Variants in DLGAP2 observed in about 807,000 individuals in gnomAD.
DLGAP2 encodes the protein DLG associated protein 2.
In DLGAP2, 26 loss-of-function variants were observed where a neutral mutation model predicts 100.3. The ratio of observed to expected loss-of-function variants is 0.26; its 90% CI spans 0.19 to 0.36. DLGAP2 has a LOEUF of 0.36. Ranked by LOEUF, DLGAP2 falls within the 10% of genes least tolerant of loss-of-function variation. The pLI, the probability that DLGAP2 is intolerant of heterozygous loss-of-function variation, is 1.00. For synonymous variants in DLGAP2, 886 were observed against 630.1 expected, an observed-to-expected ratio of 1.41 and a Z score of -6.08; for missense variants, 1,858 against 1,453.2, an observed-to-expected ratio of 1.28 and a Z score of -4.53.
At chr8:842,287 G>C (rs1186455013) in intron 1 of DLGAP2, among the ~76,000 whole-genome samples, 2 of 152,194 alleles carry the variant, frequency 1.3e-5, no homozygotes, top group Admixed American at 6.5e-5. Flanking sequence ...GTTGCTGTCA[G>C]TTTTTCTGTG....
At chr8:1,159,438 C>T (rs1017593738) in intron 2 of DLGAP2, among the ~76,000 whole-genome samples, 2 of 152,170 alleles carry the variant, frequency 1.3e-5, no homozygotes, top group African/African-American at 4.8e-5. Context: ...TGAGATGTAT[C>T]GTATGTCGAC....
chr8:1,360,332 C>T (rs1237536941), intron 3 of DLGAP2, among the ~76,000 whole-genome samples: 1 of 151,554 alleles, frequency 6.6e-6, no homozygotes, highest in Non-Finnish European at 1.5e-5. Flanking sequence ...TTCTCCAGGA[C>T]GGTGCTTTCA....
In DLGAP2 at chr8:1,705,079, G is replaced by A. The variant is rs1799669785; in HGVS notation, c.*3673G>A. 2 of 152,272 alleles carry A rather than the reference G, an allele frequency of 1.3e-5. No homozygotes were observed. The highest frequency in any genetic ancestry group is 2.4e-5 in the African/African-American group (1 of 41,468). The allele number at this position is 152,272 out of a possible 1,614,324, so 9.4% of individuals were successfully genotyped here. A position where few individuals can be genotyped will look rare whatever the true frequency, so the allele number is the denominator to read the frequency against. ...CCCGAGTCCAGGATGGAATTTCACAGGAAAGTGAAGGGATACTGCAGGCCT... is the reference window on the plus strand; with the variant it reads ...CCCGAGTCCAGGATGGAATTTCACAAGAAAGTGAAGGGATACTGCAGGCCT... On this transcript the variant is annotated 3_prime_UTR_variant, in exon 15 of 15. Transcript: ENST00000637795.
At chr8:1,408,775 T>C (rs975457862) in intron 3 of DLGAP2, among the ~76,000 whole-genome samples, 2 of 152,098 alleles carry the variant, frequency 1.3e-5, no homozygotes, top group Non-Finnish European at 2.9e-5. Flanking sequence ...GTGGCAGCTC[T>C]ACCACCAAGA....
chr8:1,168,579 G>C lies in DLGAP2; in HGVS notation c.74-90272G>C, dbSNP rs1376729510. On this transcript the variant is annotated intron_variant, in intron 2 of 14. Coordinates refer to ENST00000637795, the MANE Select transcript of DLGAP2 (RefSeq NM_001346810.2). ...CTTTTTAATGATCGCCATTCTAACA[G>C]GTGTGAGATGATATCTCATTGTGGT... 3.4e-5 allele frequency among the ~76,000 whole-genome samples: 5 copies of C among 148,938 alleles called. No individual in the cohort carries two copies. In the Admixed American group the frequency reaches 3.4e-4, roughly 10 times the overall value.
chr8:1,249,995 C>T (rs1177417529), intron 2 of DLGAP2, among the ~76,000 whole-genome samples: 1 of 152,178 alleles, frequency 6.6e-6, no homozygotes, highest in African/African-American at 2.4e-5. Flanking sequence ...ATTGTTCTGC[C>T]TCAGCCTCCC....
intron 1 of DLGAP2, among the ~76,000 whole-genome samples, chr8:814,159 A>T (rs1478933771): frequency 1.3e-5 from 2 of 152,222 alleles, no homozygotes; most frequent in Admixed American, 1.3e-4. Flanking sequence ...ATCACAATTT[A>T]GTTTATTTTC....
intron 2 of DLGAP2, among the ~76,000 whole-genome samples, chr8:1,071,810 T>C (rs993094966): frequency 4.4e-4 from 67 of 152,334 alleles, no homozygotes; most frequent in African/African-American, 1.5e-3. Flanking sequence ...AAAAGAAATA[T>C]ACTTAATCAC....
intron 2 of DLGAP2, among the ~76,000 whole-genome samples, chr8:1,129,586 A>T (rs1796243283): frequency 6.6e-6 from 1 of 152,092 alleles, no homozygotes; most frequent in Admixed American, 6.6e-5. Flanking sequence ...TGCTCCCACG[A>T]GCCTTGCGGG....
chr8:1,322,171 G>A (rs1800916454), intron 3 of DLGAP2, among the ~76,000 whole-genome samples: 1 of 152,054 alleles, frequency 6.6e-6, no homozygotes, highest in African/African-American at 2.4e-5. Flanking sequence ...TTCAACATAG[G>A]TGAATTCTTT....
intron 2 of DLGAP2, among the ~76,000 whole-genome samples, chr8:1,012,536 C>G (rs1436559986): frequency 1.4e-5 from 2 of 142,556 alleles, no homozygotes; most frequent in African/African-American, 2.6e-5. Context: ...GACCAGCCCC[C>G]CCACTTCAGC....
chr8:1,242,907 G>A (rs960636565), intron 2 of DLGAP2, among the ~76,000 whole-genome samples: 4 of 142,060 alleles, frequency 2.8e-5, no homozygotes, highest in Non-Finnish European at 6.1e-5. Flanking sequence ...TGGATTGACG[G>A]ATGGATGGAC....
intron 3 of DLGAP2, among the ~76,000 whole-genome samples, chr8:1,283,970 T>C (rs1040671391): frequency 6.6e-5 from 10 of 152,226 alleles, no homozygotes; most frequent in African/African-American, 2.4e-4. Context: ...AAAGTGATTG[T>C]CATTCACGAC....
At chr8:1,258,605 A>AT (rs111517773) in intron 2 of DLGAP2, among the ~76,000 whole-genome samples, 4,173 of 151,940 alleles carry the variant, frequency 0.027, 146 homozygotes, top group African/African-American at 0.085. Context: ...ATTAAAAAAA[A>AT]TTTTTTTTAA....
rs79646253 is a variant in DLGAP2 at position 1,022,111 on chromosome 8, A to G, written c.73+114145A>G. Among the ~76,000 whole-genome samples the G allele has an allele frequency of 1.6e-4, 24 of 152,216 alleles. No individual in the cohort carries two copies. The South Asian group carries it at 1.9e-3, about 12-fold the overall frequency. On this transcript the variant is annotated intron_variant, in intron 2 of 14. Transcript: ENST00000637795. ...TGCAGAGAAGCCCAGACAGCACCCAATGCCCGTCTGAGGGCCATGTCCGAG... is the reference window on the plus strand; with the variant it reads ...TGCAGAGAAGCCCAGACAGCACCCAGTGCCCGTCTGAGGGCCATGTCCGAG...
At chr8:846,916 C>T (rs1797082331) in intron 1 of DLGAP2, among the ~76,000 whole-genome samples, 1 of 152,202 alleles carries the variant, frequency 6.6e-6, no homozygotes, top group Admixed American at 6.5e-5. Flanking sequence ...TTCTATCCAT[C>T]TTCAGACATG....
At chr8:1,136,980 A>C (rs1796428111) in intron 2 of DLGAP2, among the ~76,000 whole-genome samples, 1 of 152,220 alleles carries the variant, frequency 6.6e-6, no homozygotes, top group East Asian at 1.9e-4. Context: ...CCTGCCTCTC[A>C]AGATGGTGCC....
Position 1,145,579 on chromosome 8 carries a change from C to G in DLGAP2, c.74-113272C>G, listed in dbSNP as rs566885009. ...CTCTTACCAATAATGCTGCTGTAAACATCTTCTGCATATTTTTGGTGAATC... is the reference window on the plus strand; with the variant it reads ...CTCTTACCAATAATGCTGCTGTAAAGATCTTCTGCATATTTTTGGTGAATC... On this transcript the variant is annotated intron_variant, in intron 2 of 14. Coordinates refer to ENST00000637795, the MANE Select transcript of DLGAP2 (RefSeq NM_001346810.2). 2.6e-5 allele frequency among the ~76,000 whole-genome samples: 4 copies of G among 152,300 alleles called. No individual in the cohort carries two copies. In the South Asian group the frequency reaches 8.3e-4, roughly 32 times the overall value.
Position 1,235,670 on chromosome 8 carries a change from G to C in DLGAP2, c.74-23181G>C, listed in dbSNP as rs537799534. On this transcript the variant is annotated intron_variant, in intron 2 of 14. Transcript: ENST00000637795. ...TCTCTCACACAGAGCATCATGTCTA[G>C]TTCTCTCACATGGCGCCATGTCTAG... Among the ~76,000 whole-genome samples the C allele has an allele frequency of 1.9e-3, 62 of 32,370 alleles. 24 individuals are homozygous for C. Among genetic ancestry groups the C allele is most frequent in the African/African-American group, 0.012 (61 of 5,242 alleles). 21.2% of individuals were successfully genotyped at this position (32,370 alleles called of 152,430 possible).
Sources: gnomAD v4.1 joint callset for allele counts (sites outside exome capture counted in the v4.1 genomes callset) on GRCh38, gnomAD v4.1.1 for gene constraint, MANE v1.5 for transcripts, NCBI Gene and HGNC (gene_info 2026-07-23, HGNC 2026-07-21) for gene names.